The following FAM107B variants were observed in gnomAD, a reference collection of about 807,000 sequenced individuals.
The protein encoded by FAM107B is protein FAM107B.
Under a neutral mutation model 31.5 loss-of-function variants are expected in FAM107B, and 21 were observed. That is an observed-to-expected ratio of 0.67 (90% CI 0.47 to 0.96). The LOEUF (loss-of-function observed/expected upper bound fraction) is 0.96. Ranked by LOEUF, FAM107B falls within the 40% of genes least tolerant of loss-of-function variation. The pLI is 0.00. For missense variants in FAM107B, 452 were observed against 377.1 expected, an observed-to-expected ratio of 1.20 and a Z score of -1.64; for synonymous variants, 157 against 141.5, an observed-to-expected ratio of 1.11 and a Z score of -0.78.
intron 2 of FAM107B, among the ~76,000 whole-genome samples, chr10:14,550,216 A>C (rs11259177): frequency 0.015 from 2,281 of 152,230 alleles, 55 homozygotes; most frequent in African/African-American, 0.052. Flanking sequence ...TACTGCAGTA[A>C]TCTCATGTCT....
At chr10:14,690,351 C>G (rs1050587216) in intron 1 of FAM107B, among the ~76,000 whole-genome samples, 1 of 152,240 alleles carries the variant, frequency 6.6e-6, no homozygotes, top group African/African-American at 2.4e-5. Flanking sequence ...CTCCCCTCAT[C>G]CTTCTGGGTG....
At chr10:14,718,412 G>GGAAA (rs1010547264) in intron 1 of FAM107B, among the ~76,000 whole-genome samples, 41 of 143,262 alleles carry the variant, frequency 2.9e-4, no homozygotes, top group African/African-American at 9.3e-4. Context: ...GAAAGAAAGA[G>GGAAA]GAAAGAAAGA....
intron 1 of FAM107B, among the ~76,000 whole-genome samples, chr10:14,708,767 G>C (rs1855575138): frequency 6.6e-6 from 1 of 152,140 alleles, no homozygotes; most frequent in Non-Finnish European, 1.5e-5. Context: ...TGCAAAGAAA[G>C]AACGTTTCAA....
At chr10:14,696,107 C>G (rs11596566) in intron 1 of FAM107B, among the ~76,000 whole-genome samples, 43,674 of 151,912 alleles carry the variant, frequency 0.29, 6,906 homozygotes, top group Non-Finnish European at 0.35. Flanking sequence ...ATAACATTAG[C>G]TGTGGGTTTT....
intron 2 of FAM107B, among the ~76,000 whole-genome samples, chr10:14,598,621 T>C (rs965772401): frequency 6.6e-6 from 1 of 152,210 alleles, no homozygotes; most frequent in African/African-American, 2.4e-5. Flanking sequence ...TCTAGAGAGC[T>C]GCCCTACAAC....
chr10:14,717,043 T>G (rs1290447983), intron 1 of FAM107B, among the ~76,000 whole-genome samples: 1 of 152,168 alleles, frequency 6.6e-6, no homozygotes, highest in African/African-American at 2.4e-5. Flanking sequence ...GGAGCCGAGA[T>G]AGCGCCACTG....
chr10:14,700,566 A>G, intron 1 of FAM107B, among the ~76,000 whole-genome samples: 1 of 151,228 alleles, frequency 6.6e-6, no homozygotes, highest in South Asian at 2.1e-4. Context: ...CATGAGAATG[A>G]GGGGTGGGGT....
intron 2 of FAM107B, among the ~76,000 whole-genome samples, chr10:14,641,701 G>A (rs1265203394): frequency 6.6e-6 from 1 of 152,110 alleles, no homozygotes; most frequent in African/African-American, 2.4e-5. Flanking sequence ...ACCTAATTGG[G>A]AATCTTTTAA....
intron 2 of FAM107B, among the ~76,000 whole-genome samples, chr10:14,645,020 C>T (rs767474089): frequency 1.2e-4 from 19 of 152,150 alleles, no homozygotes; most frequent in South Asian, 2.1e-4. Flanking sequence ...CCAAGTGTCA[C>T]GGGGAATCCA....
At chr10:14,706,190 C>A (rs1388379234) in intron 1 of FAM107B, among the ~76,000 whole-genome samples, 1 of 152,162 alleles carries the variant, frequency 6.6e-6, no homozygotes, top group Non-Finnish European at 1.5e-5. Context: ...TATGCTTAAC[C>A]TTTTGATATA....
chr10:14,738,667 C>T (rs923446796), intron 1 of FAM107B, among the ~76,000 whole-genome samples: 4 of 152,122 alleles, frequency 2.6e-5, no homozygotes, highest in Admixed American at 6.5e-5. Flanking sequence ...ACCTGTAGGC[C>T]TCGGGAAGGT....
At chr10:14,667,571 T>C in intron 2 of FAM107B, 63 bp downstream of exon 2, 1 of 1,555,132 alleles carries the variant, frequency 6.4e-7, no homozygotes, top group South Asian at 1.1e-5. Flanking sequence ...AGCCTTAGGA[T>C]GCTCCAAGCA....
chr10:14,673,393 C>T (rs1386505596), intron 1 of FAM107B, among the ~76,000 whole-genome samples: 1 of 152,130 alleles, frequency 6.6e-6, no homozygotes, highest in African/African-American at 2.4e-5. Flanking sequence ...TGGTATCTGT[C>T]TTTCTGTGTC....
chr10:14,575,209 T>C (rs1056252824), intron 2 of FAM107B, among the ~76,000 whole-genome samples: 2 of 129,490 alleles, frequency 1.5e-5, no homozygotes, highest in South Asian at 6.1e-4. Context: ...TTTTGTTTTT[T>C]TGTTTTTTTT....
At chr10:14,631,551 C>T (rs2131418630) in intron 2 of FAM107B, among the ~76,000 whole-genome samples, 1 of 152,250 alleles carries the variant, frequency 6.6e-6, no homozygotes, top group Admixed American at 6.5e-5. Flanking sequence ...GACCATTTTC[C>T]TGCCTGATTG....
chr10:14,557,599 T>C (rs7072772), intron 2 of FAM107B, among the ~76,000 whole-genome samples: 55,877 of 152,088 alleles, frequency 0.37, 10,347 homozygotes, highest in South Asian at 0.53. Context: ...TCAATGATGA[T>C]GGTTTGGTTC....
chr10:14,666,716 T>C (rs557459882), intron 2 of FAM107B, among the ~76,000 whole-genome samples: 1 of 152,244 alleles, frequency 6.6e-6, no homozygotes, highest in East Asian at 1.9e-4. Context: ...AGGCACTAAA[T>C]TAAAGCAATG....
intron 2 of FAM107B, chr10:14,653,722 C>T (rs1853962859): frequency 6.6e-6 from 1 of 152,164 alleles, no homozygotes; most frequent in Non-Finnish European, 1.5e-5. Context: ...TAGTATTAGC[C>T]TCTTATACAC....
At chr10:14,659,072 C>A (rs1057136369) in intron 2 of FAM107B, among the ~76,000 whole-genome samples, 1 of 152,262 alleles carries the variant, frequency 6.6e-6, no homozygotes, top group South Asian at 2.1e-4. Flanking sequence ...AGTCTGGGGA[C>A]CAGGTCTTCA....
Sources: gnomAD v4.1 joint callset for allele counts (sites outside exome capture counted in the v4.1 genomes callset) on GRCh38, gnomAD v4.1.1 for gene constraint, MANE v1.5 for transcripts, NCBI Gene and HGNC (gene_info 2026-07-23, HGNC 2026-07-21) for gene names.